PPARGC1A: variants seen among roughly 807,000 people sequenced by gnomAD.
PPARGC1A encodes PPARG coactivator 1 alpha.
In PPARGC1A, 25 loss-of-function variants were observed where a neutral mutation model predicts 88.7. That is an observed-to-expected ratio of 0.28 (90% CI 0.21 to 0.39). The LOEUF (loss-of-function observed/expected upper bound fraction) is 0.39, where lower values mean the gene tolerates loss of function less well. Among genes scored for constraint, PPARGC1A ranks in the 10% least tolerant of loss-of-function variants. The pLI, the probability that PPARGC1A is intolerant of heterozygous loss-of-function variation, is 1.00. For missense variants in PPARGC1A, 880 were observed against 968.7 expected (o/e 0.91, Z 1.22); for synonymous variants, 363 against 355.6 (o/e 1.02, Z -0.24).
the PPARGC1A span, among the ~76,000 whole-genome samples, chr4:24,244,461 C>T: frequency 6.6e-6 from 1 of 152,282 alleles, no homozygotes; most frequent in Admixed American, 6.5e-5. Flanking sequence ...GAGGTTAAGG[C>T]TTAGAAAGGC....
At chr4:23,812,921 A>G (rs1210324083) in intron 9 of PPARGC1A, 54 bp from the exon 10 acceptor site, 13 of 1,613,294 alleles carry the variant, frequency 8.1e-6, no homozygotes, top group Non-Finnish European at 1.0e-5. Flanking sequence ...CATGAGCAAA[A>G]TGAATAATAA....
At chr4:24,126,156 T>C in the PPARGC1A span, among the ~76,000 whole-genome samples, 1 of 152,118 alleles carries the variant, frequency 6.6e-6, no homozygotes, top group Non-Finnish European at 1.5e-5. Flanking sequence ...TTGCTGGGTC[T>C]ACAATCCCAT....
the PPARGC1A span, among the ~76,000 whole-genome samples, chr4:24,041,548 C>T: frequency 6.6e-6 from 1 of 152,166 alleles, no homozygotes; most frequent in African/African-American, 2.4e-5. Context: ...TTTGTATGTG[C>T]CATCTGCTAC....
the PPARGC1A span, among the ~76,000 whole-genome samples, chr4:24,315,683 C>T: frequency 0.024 from 3,661 of 152,210 alleles, 156 homozygotes; most frequent in African/African-American, 0.085. Flanking sequence ...ACTGAGGAAA[C>T]GCTACTGGCA....
the PPARGC1A span, among the ~76,000 whole-genome samples, chr4:24,082,739 A>G: frequency 6.6e-6 from 1 of 152,144 alleles, no homozygotes; most frequent in Admixed American, 6.5e-5. Flanking sequence ...TTCCTTAGCC[A>G]TCATCAGCAT....
At chr4:24,182,942 T>C in the PPARGC1A span, among the ~76,000 whole-genome samples, 2 of 152,182 alleles carry the variant, frequency 1.3e-5, no homozygotes, top group Non-Finnish European at 1.5e-5. Context: ...AGACAGACAG[T>C]ACCTTTGCCC....
chr4:24,295,276 G>A, the PPARGC1A span, among the ~76,000 whole-genome samples: 73 of 152,244 alleles, frequency 4.8e-4, no homozygotes, highest in African/African-American at 1.5e-3. Context: ...GATGTTTATT[G>A]AAGCCAAAAC....
chr4:24,035,454 T>C, the PPARGC1A span, among the ~76,000 whole-genome samples: 1 of 152,090 alleles, frequency 6.6e-6, no homozygotes, highest in East Asian at 1.9e-4. Context: ...GGCACAAGAA[T>C]TGTTTGAACC....
chr4:23,983,348 G>A, the PPARGC1A span, among the ~76,000 whole-genome samples: 1 of 152,130 alleles, frequency 6.6e-6, no homozygotes, highest in African/African-American at 2.4e-5. Context: ...GACATCGTGA[G>A]ACAAAAGCAA....
the PPARGC1A span, among the ~76,000 whole-genome samples, chr4:24,439,004 AC>A: frequency 6.6e-6 from 1 of 152,136 alleles, no homozygotes. Flanking sequence ...ACATTATAAC[AC>A]AAACGAAAAG....
the PPARGC1A span, among the ~76,000 whole-genome samples, chr4:24,131,995 G>A: frequency 6.6e-6 from 1 of 152,160 alleles, no homozygotes; most frequent in Admixed American, 6.5e-5. Context: ...TTAAAACATG[G>A]CCTAGTGCAG....
At chr4:24,213,719 ATGTGTTTGTGTG>A in the PPARGC1A span, among the ~76,000 whole-genome samples, 1 of 152,186 alleles carries the variant, frequency 6.6e-6, no homozygotes, top group Non-Finnish European at 1.5e-5. Context: ...GTGTGTGTGC[ATGTGTTTGTGTG>A]TGTGTGTGTA....
chr4:24,420,810 T>C, the PPARGC1A span, among the ~76,000 whole-genome samples: 1 of 152,108 alleles, frequency 6.6e-6, no homozygotes. Context: ...ACAGAAAACC[T>C]TAGACTGGGT....
the PPARGC1A span, among the ~76,000 whole-genome samples, chr4:24,104,656 G>A: frequency 3.8e-3 from 580 of 152,190 alleles, 5 homozygotes; most frequent in East Asian, 0.051. Flanking sequence ...ACATCAAACT[G>A]GAGGAAGCAT....
At chr4:23,990,405 A>G in the PPARGC1A span, among the ~76,000 whole-genome samples, 6 of 151,978 alleles carry the variant, frequency 3.9e-5, no homozygotes, top group African/African-American at 1.4e-4. Context: ...TCACAGTAGA[A>G]GTGCACCCTA....
the PPARGC1A span, among the ~76,000 whole-genome samples, chr4:24,181,839 C>T: frequency 1.6e-3 from 237 of 152,194 alleles, no homozygotes; most frequent in African/African-American, 5.4e-3. Flanking sequence ...AGCTAATAAG[C>T]GGTACCTGGC....
chr4:24,467,154 A>G, the PPARGC1A span, among the ~76,000 whole-genome samples: 1 of 151,964 alleles, frequency 6.6e-6, no homozygotes, highest in African/African-American at 2.4e-5. Flanking sequence ...AAAAGCGAAC[A>G]ATGTTTTCCA....
At chr4:24,185,344 T>C in the PPARGC1A span, among the ~76,000 whole-genome samples, 1 of 152,170 alleles carries the variant, frequency 6.6e-6, no homozygotes, top group Non-Finnish European at 1.5e-5. Context: ...TTTTTCCTCT[T>C]AAAACTGAAG....
chr4:23,976,444 A>G, the PPARGC1A span, among the ~76,000 whole-genome samples: 3 of 152,328 alleles, frequency 2.0e-5, no homozygotes, highest in South Asian at 6.2e-4. Flanking sequence ...TGCTTTCCAA[A>G]AAAGTTTGAT....
Sources: gnomAD v4.1 joint callset for allele counts (sites outside exome capture counted in the v4.1 genomes callset) on GRCh38, gnomAD v4.1.1 for gene constraint, MANE v1.5 for transcripts, NCBI Gene and HGNC (gene_info 2026-07-23, HGNC 2026-07-21) for gene names.